Variants in SYT14 observed in about 807,000 individuals in gnomAD.
SYT14 encodes synaptotagmin-14.
SYT14 carries 32 observed loss-of-function variants against 74.2 expected under a neutral mutation model. That is an observed-to-expected ratio of 0.43 (90% CI 0.33 to 0.58). The LOEUF is 0.58. Ranked by LOEUF, SYT14 falls within the 20% of genes least tolerant of loss-of-function variation. The pLI is 0.05. For synonymous variants in SYT14, 298 were observed against 337.7 expected, an observed-to-expected ratio of 0.88 and a Z score of 1.29; for missense variants, 791 against 981.8, an observed-to-expected ratio of 0.81 and a Z score of 2.60.
chr1:210,074,593 C>T (rs765853734), intron 5 of SYT14, among the ~76,000 whole-genome samples: 3 of 152,222 alleles, frequency 2.0e-5, no homozygotes, highest in Non-Finnish European at 4.4e-5. Context: ...CAGGTGACTA[C>T]AGTCCCAATT....
exon 9 of SYT14, chr1:210,159,421 A>G (rs2083330461): frequency 6.4e-7 from 1 of 1,551,408 alleles, no homozygotes; most frequent in Non-Finnish European, 8.7e-7. Flanking sequence ...CTGTTGTCAG[A>G]TGGACTGTTC....
intron 2 of SYT14, among the ~76,000 whole-genome samples, chr1:209,980,113 A>C (rs1434862790): frequency 1.3e-5 from 2 of 152,168 alleles, no homozygotes; most frequent in Non-Finnish European, 2.9e-5. Context: ...GAACCATGCC[A>C]GCATCTGTTA....
At chr1:210,006,869 T>TC (rs960845494) in intron 2 of SYT14, among the ~76,000 whole-genome samples, 2 of 151,804 alleles carry the variant, frequency 1.3e-5, no homozygotes, top group African/African-American at 4.8e-5. Flanking sequence ...TAGATAAATA[T>TC]CCCCCATATA....
chr1:210,065,012 C>T (rs1349196451), intron 5 of SYT14, among the ~76,000 whole-genome samples: 1 of 152,014 alleles, frequency 6.6e-6, no homozygotes, highest in African/African-American at 2.4e-5. Flanking sequence ...TTTGCATTTC[C>T]TTAATGACTA....
chr1:209,945,883 G>GTAAAAAACTC (rs2078814756), intron 1 of SYT14, among the ~76,000 whole-genome samples: 1 of 152,070 alleles, frequency 6.6e-6, no homozygotes, highest in East Asian at 1.9e-4. Flanking sequence ...TTGAAAGTTT[G>GTAAAAAACTC]TGGCAACTCT....
intron 7 of SYT14, among the ~76,000 whole-genome samples, chr1:210,109,716 C>G (rs569263902): frequency 3.3e-5 from 5 of 152,244 alleles, no homozygotes; most frequent in African/African-American, 1.2e-4. Flanking sequence ...GTGATGATTC[C>G]TCAAGGATCT....
chr1:209,938,816 C>A (rs1282778815), intron 1 of SYT14, among the ~76,000 whole-genome samples: 1 of 152,060 alleles, frequency 6.6e-6, no homozygotes, highest in Non-Finnish European at 1.5e-5. Context: ...TGCCCGTTCC[C>A]CTTCTGTTTG....
At chr1:210,016,619 G>A (rs544675343) in exon 4 of SYT14, 13 of 1,231,810 alleles carry the variant, frequency 1.1e-5, no homozygotes, top group African/African-American at 3.1e-5. Flanking sequence ...GAATGCCAAC[G>A]GAATAAACAA....
At chr1:210,019,731 AT>A (rs2080264249) in intron 4 of SYT14, among the ~76,000 whole-genome samples, 2 of 152,182 alleles carry the variant, frequency 1.3e-5, no homozygotes, top group Non-Finnish European at 2.9e-5. Flanking sequence ...TTCAACCTCA[AT>A]TTCTTTACTA....
intron 7 of SYT14, among the ~76,000 whole-genome samples, chr1:210,119,037 A>G (rs1035225727): frequency 6.6e-6 from 1 of 152,180 alleles, no homozygotes; most frequent in Non-Finnish European, 1.5e-5. Flanking sequence ...TTATAATAGT[A>G]GGTGCTTCAT....
chr1:210,068,612 G>A (rs2081338276), intron 5 of SYT14, among the ~76,000 whole-genome samples: 1 of 151,458 alleles, frequency 6.6e-6, no homozygotes, highest in African/African-American at 2.4e-5. Context: ...TCATGAGTCA[G>A]TTTTGGTAAA....
exon 10 of SYT14, chr1:210,165,276 C>T (rs2083443792): frequency 6.6e-6 from 1 of 151,880 alleles, no homozygotes; most frequent in East Asian, 1.9e-4. Flanking sequence ...TCCCACTCAC[C>T]TTGATTGAAT....
intron 2 of SYT14, among the ~76,000 whole-genome samples, chr1:209,970,449 TTCTGGTTACTATAG>T (rs1033806349): frequency 6.6e-6 from 1 of 152,150 alleles, no homozygotes; most frequent in African/African-American, 2.4e-5. Flanking sequence ...TACCATGCTG[TTCTGGTTACTATAG>T]CCTTATACCA....
chr1:210,160,967 A>G (rs144285945), exon 10 of SYT14: 8 of 1,613,888 alleles, frequency 5.0e-6, no homozygotes, highest in African/African-American at 1.3e-5. Context: ...GAGAAGAAGA[A>G]CTCAATCACT....
chr1:210,156,711 T>TTTTTTTTTG (rs2083275402), intron 8 of SYT14, among the ~76,000 whole-genome samples: 1 of 93,514 alleles, frequency 1.1e-5, no homozygotes, highest in Non-Finnish European at 1.9e-5. Context: ...TTTTTTTTTT[T>TTTTTTTTTG]GGAGACAGTT....
chr1:210,129,407 C>A (rs570368436), intron 7 of SYT14, among the ~76,000 whole-genome samples: 1 of 152,310 alleles, frequency 6.6e-6, no homozygotes, highest in Non-Finnish European at 1.5e-5. Context: ...CAGAACCAAT[C>A]ACAGTGGCTA....
At chr1:210,027,567 A>G (rs2080441408) in intron 5 of SYT14, among the ~76,000 whole-genome samples, 1 of 152,026 alleles carries the variant, frequency 6.6e-6, no homozygotes, top group African/African-American at 2.4e-5. Flanking sequence ...CATCCCAGAG[A>G]TGGATGAAAA....
intron 7 of SYT14, among the ~76,000 whole-genome samples, chr1:210,144,640 A>G (rs1047574240): frequency 6.6e-6 from 1 of 152,102 alleles, no homozygotes; most frequent in African/African-American, 2.4e-5. Flanking sequence ...GTCTATGGAT[A>G]ATTATAATCC....
chr1:210,027,035 C>T (rs2080428393), intron 5 of SYT14, among the ~76,000 whole-genome samples: 1 of 152,098 alleles, frequency 6.6e-6, no homozygotes, highest in Non-Finnish European at 1.5e-5. Context: ...CAGAAATTCA[C>T]ATATAATTTT....
Sources: allele counts gnomAD v4.1 joint callset (sites outside exome capture counted in the v4.1 genomes callset), GRCh38; gene constraint gnomAD v4.1.1; transcripts MANE v1.5; gene names NCBI Gene and HGNC (gene_info 2026-07-23, HGNC 2026-07-21).